MYO5A: variants seen among roughly 807,000 people sequenced by gnomAD.
The protein encoded by MYO5A is unconventional myosin-Va.
In MYO5A, 98 loss-of-function variants were observed where a neutral mutation model predicts 249.7. The ratio of observed to expected loss-of-function variants is 0.39; its 90% CI spans 0.33 to 0.46. The LOEUF is 0.46. Ranked by LOEUF, MYO5A falls within the 20% of genes least tolerant of loss-of-function variation. MYO5A has a pLI of 0.98. For missense variants in MYO5A, 1,696 were observed against 2,308.8 expected, an observed-to-expected ratio of 0.73 and a Z score of 5.44; for synonymous variants, 778 against 810.6, an observed-to-expected ratio of 0.96 and a Z score of 0.68.
At chr15:52,498,579 T>C (rs1346125222) in intron 1 of MYO5A, among the ~76,000 whole-genome samples, 3 of 152,228 alleles carry the variant, frequency 2.0e-5, no homozygotes, top group African/African-American at 7.2e-5. Context: ...ACTTCCTCAA[T>C]GTTTACAGGC....
chr15:52,415,369 TAGAC>T (rs1243551920), intron 5 of MYO5A, among the ~76,000 whole-genome samples: 5 of 152,216 alleles, frequency 3.3e-5, no homozygotes, highest in Admixed American at 3.3e-4. Flanking sequence ...ATCTTATTAA[TAGAC>T]AGATAATTAT....
At position 52,433,297 on chromosome 15, in the gene MYO5A, A is replaced by G; in HGVS notation, c.28-12T>C. On this transcript the variant is annotated splice_polypyrimidine_tract_variant and intron_variant, in intron 1 of 41. Coordinates refer to ENST00000399233, the MANE Select transcript of MYO5A (RefSeq NM_001382347.1). ...CAAACCCTGGCAAACTAGAAGACAA[A>G]AAGAAAAAAATTTAAACTAGCAAAT... The G allele has an allele frequency of 6.4e-7, 1 of 1,557,770 alleles. No individual in the cohort carries two copies. The highest frequency in any genetic ancestry group is 8.9e-7 in the Non-Finnish European group (1 of 1,129,014).
chr15:52,357,098 C>T (rs2057002568), intron 25 of MYO5A, among the ~76,000 whole-genome samples: 3 of 152,018 alleles, frequency 2.0e-5, no homozygotes, highest in Non-Finnish European at 4.4e-5. Context: ...CATCTTGCCT[C>T]AACACGAAAT....
Position 52,397,333 on chromosome 15 carries a change from G to A in MYO5A, c.1187C>T (p.Ala396Val). 6.2e-7 allele frequency: 1 copy of A among 1,614,080 alleles called. No individual in the cohort carries two copies. The highest frequency in any genetic ancestry group is 8.5e-7 in the Non-Finnish European group (1 of 1,180,002). Residue 396 changes from alanine to valine, a missense_variant, in exon 10 of 42, where the codon GCC (alanine) becomes GTC (valine). By Grantham distance (64) the Ala-to-Val change is moderately conservative. Transcript: ENST00000399233. ...TYIKPISKLQ[A>V]TNARDALAKH... is the part of the protein sequence containing the mutation. ...GGCCAAAGCATCGCGGGCATTCGTG[G>A]CCTGCAGCTTGGAGATGGGCTTGAT...
At chr15:52,443,539 C>T (rs1595694150) in intron 1 of MYO5A, among the ~76,000 whole-genome samples, 2 of 151,474 alleles carry the variant, frequency 1.3e-5, no homozygotes, top group South Asian at 2.1e-4. Context: ...GGAGAAACCC[C>T]GTCTCTACTA....
rs1319388039 is a variant in MYO5A at position 52,434,437 on chromosome 15, C to T, written c.28-1152G>A. Among the ~76,000 whole-genome samples the T allele has an allele frequency of 4.6e-5, 7 of 152,192 alleles. No individual in the cohort carries two copies. The East Asian group carries it at 5.8e-4, about 13-fold the overall frequency. On this transcript the variant is annotated intron_variant, in intron 1 of 41. Coordinates refer to ENST00000399233, the MANE Select transcript of MYO5A (RefSeq NM_001382347.1). Reference sequence around the variant, plus strand: ...CAGATTTTTTAAAACTGAAGAAACACGGTTGTTCAGCATTTTGCCTTCATT... The same window carrying T: ...CAGATTTTTTAAAACTGAAGAAACATGGTTGTTCAGCATTTTGCCTTCATT...
At chr15:52,489,156 G>A (rs956144452) in intron 1 of MYO5A, among the ~76,000 whole-genome samples, 1 of 152,176 alleles carries the variant, frequency 6.6e-6, no homozygotes, top group African/African-American at 2.4e-5. Flanking sequence ...AAAACTGTAA[G>A]ACTCTTAGAA....
At chr15:52,356,820 T>C (rs1351915562) in intron 25 of MYO5A, among the ~76,000 whole-genome samples, 12 of 89,990 alleles carry the variant, frequency 1.3e-4, no homozygotes, top group Non-Finnish European at 2.4e-4. Flanking sequence ...TTTTTTTTTA[T>C]TTTCAGGAAT....
chr15:52,352,277 C>T (rs887429889), intron 27 of MYO5A, among the ~76,000 whole-genome samples: 14 of 152,186 alleles, frequency 9.2e-5, no homozygotes, highest in African/African-American at 2.2e-4. Flanking sequence ...AGAGTGCCAC[C>T]GACACTAGCA....
intron 16 of MYO5A, among the ~76,000 whole-genome samples, chr15:52,380,132 A>G (rs1314475186): frequency 6.6e-6 from 1 of 152,236 alleles, no homozygotes; most frequent in Non-Finnish European, 1.5e-5. Context: ...CCTGCAACTC[A>G]AACCACAAAC....
chr15:52,390,549 T>TA (rs2042177342), intron 12 of MYO5A, among the ~76,000 whole-genome samples: 1 of 143,866 alleles, frequency 7.0e-6, no homozygotes, highest in African/African-American at 2.7e-5. Flanking sequence ...TCTCCCTCTC[T>TA]TTTTTTTTTT....
At chr15:52,342,886 A>G (rs2039445226) in intron 31 of MYO5A, among the ~76,000 whole-genome samples, 1 of 151,814 alleles carries the variant, frequency 6.6e-6, no homozygotes, top group South Asian at 2.1e-4. Flanking sequence ...ACTGCACTCC[A>G]GCCTAGGCAA....
At position 52,397,416 on chromosome 15, in the gene MYO5A, A is replaced by G. The variant is rs1384543436; in HGVS notation, c.1104T>C (p.Tyr368=). The G allele has an allele frequency of 6.2e-7, 1 of 1,614,030 alleles. No individual in the cohort carries two copies. Among genetic ancestry groups the G allele is most frequent in the Non-Finnish European group, 8.5e-7 (1 of 1,179,908 alleles). The change falls in exon 10 of 42, where the codon TAT becomes TAC. Residue 368 remains tyrosine, a synonymous_variant. Coordinates refer to ENST00000399233, the MANE Select transcript of MYO5A (RefSeq NM_001382347.1). ...CIFCELMGVD[Y]EEMCHWLCHR... ...GGCAGAGCCAGTGACACATCTCCTC[A>G]TAGTCCACACCCATGAGTTCACAGA...
chr15:52,443,540 G>A (rs1032787835), intron 1 of MYO5A, among the ~76,000 whole-genome samples: 6 of 151,268 alleles, frequency 4.0e-5, no homozygotes, highest in Non-Finnish European at 7.4e-5. Flanking sequence ...GAGAAACCCC[G>A]TCTCTACTAA....
At chr15:52,514,818 T>C (rs1258915077) in intron 1 of MYO5A, among the ~76,000 whole-genome samples, 2 of 152,200 alleles carry the variant, frequency 1.3e-5, no homozygotes, top group Non-Finnish European at 2.9e-5. Context: ...AACAAATTTA[T>C]TCTCAGGACA....
At chr15:52,470,270 G>A (rs562429231) in intron 1 of MYO5A, among the ~76,000 whole-genome samples, 7 of 152,234 alleles carry the variant, frequency 4.6e-5, no homozygotes, top group Admixed American at 3.9e-4. Context: ...GTGTTTGGGG[G>A]CAAGTAGACC....
intron 37 of MYO5A, 68 bp from the exon 38 acceptor site, chr15:52,321,577 A>G (rs2038314822): frequency 3.3e-6 from 5 of 1,538,236 alleles, no homozygotes; most frequent in South Asian, 2.2e-5. Flanking sequence ...ACTATCTCCA[A>G]TTTGATCAGC....
At chr15:52,498,191 A>G (rs1328982987) in intron 1 of MYO5A, among the ~76,000 whole-genome samples, 1 of 152,234 alleles carries the variant, frequency 6.6e-6, no homozygotes, top group Non-Finnish European at 1.5e-5. Flanking sequence ...AAATTATAAA[A>G]CACTAGTTTG....
intron 1 of MYO5A, among the ~76,000 whole-genome samples, chr15:52,473,483 G>T (rs2076522519): frequency 6.6e-6 from 1 of 152,206 alleles, no homozygotes; most frequent in Non-Finnish European, 1.5e-5. Flanking sequence ...CCTATGTCCT[G>T]AATGGTATTG....
Sources: allele counts gnomAD v4.1 joint callset (sites outside exome capture counted in the v4.1 genomes callset), GRCh38; gene constraint gnomAD v4.1.1; transcripts MANE v1.5; gene names NCBI Gene and HGNC (gene_info 2026-07-23, HGNC 2026-07-21).